The following SAG variants were observed in gnomAD, a reference collection of about 807,000 sequenced individuals.
SAG encodes the protein S-antigen visual arrestin.
In SAG, 45 loss-of-function variants were observed where a neutral mutation model predicts 55.0. That is an observed-to-expected ratio of 0.82 (90% CI 0.64 to 1.05). The LOEUF is 1.05. Ranked by LOEUF, SAG falls within the 50% of genes least tolerant of loss-of-function variation. The pLI is 0.00. For missense variants in SAG, 455 were observed against 512.1 expected, an observed-to-expected ratio of 0.89 and a Z score of 1.08; for synonymous variants, 189 against 197.4, an observed-to-expected ratio of 0.96 and a Z score of 0.36.
At chr2:233,344,167 T>TA (rs1389859290) in intron 14 of SAG, 1 of 152,246 alleles carries the variant, frequency 6.6e-6, no homozygotes, top group African/African-American at 2.4e-5. Context: ...GAGTAGACTT[T>TA]ATGCCTTAAT....
At chr2:233,317,806 T>G (rs1201006030) in intron 3 of SAG, among the ~76,000 whole-genome samples, 3 of 152,198 alleles carry the variant, frequency 2.0e-5, no homozygotes, top group Non-Finnish European at 4.4e-5. Flanking sequence ...TATGTGTGTG[T>G]GTGTATATAT....
intron 9 of SAG, among the ~76,000 whole-genome samples, chr2:233,330,814 G>C (rs1283794560): frequency 1.3e-5 from 2 of 152,128 alleles, no homozygotes; most frequent in Non-Finnish European, 2.9e-5. Flanking sequence ...TTACCGGTGT[G>C]AGCCACTGCA....
chr2:233,339,537 GTTTTTT>G (rs10711990), intron 12 of SAG, among the ~76,000 whole-genome samples: 1 of 129,332 alleles, frequency 7.7e-6, no homozygotes, highest in Admixed American at 7.8e-5. Context: ...TTAGCATAGT[GTTTTTT>G]TTTTTTTTTT....
rs1700359242 is a variant in SAG, at chr2:233,320,817, C to T, written c.369C>T (p.Leu123=). The change falls in exon 5 of 16, where the codon CTC becomes CTT. Residue 123 remains leucine (L), a synonymous_variant. Transcript: ENST00000409110. Reference sequence around the variant, plus strand: ...TGGGGAGCAACACGTACCCCTTTCTCCTGACGGTGGGTGACTCCTCCGGCC... The same window carrying T: ...TGGGGAGCAACACGTACCCCTTTCTTCTGACGGTGGGTGACTCCTCCGGCC... ...KKLGSNTYPF[L]LTFPDYLPCS... is the part of the protein sequence containing the mutation. 1 of 1,588,536 alleles carries T rather than the reference C, an allele frequency of 6.3e-7. No individual in the cohort carries two copies. The highest frequency in any genetic ancestry group is 1.1e-5 in the South Asian group (1 of 86,990).
intron 2 of SAG, 69 bp downstream of exon 2, chr2:233,309,333 C>T (rs1457551035): frequency 1.5e-6 from 2 of 1,362,370 alleles, no homozygotes; most frequent in African/African-American, 2.9e-5. Context: ...TTTTCAAGTA[C>T]AGTGTAGTCA....
chr2:233,335,575 GTTCA>G (rs3838576), intron 11 of SAG, among the ~76,000 whole-genome samples: 13 of 151,504 alleles, frequency 8.6e-5, no homozygotes, highest in Non-Finnish European at 1.6e-4. Context: ...TCTTGGCTGT[GTTCA>G]TTCATTCATT....
rs150046934 is a variant in SAG at position 233,322,990 on chromosome 2, A to G, written c.420A>G (p.Pro140=). The G allele has an allele frequency of 2.6e-4, 405 of 1,575,132 alleles. 3 individuals are homozygous for G. The African/African-American group carries it at 4.4e-3, about 17-fold the overall frequency. ...GTTCAGTGATGTTGCAGCCAGCTCC[A>G]CAAGATTCAGGGAAGGTTAGTTCAA... ...LPCSVMLQPA[P]QDSGKSCGVD... Residue 140 remains proline, a synonymous_variant, in exon 6 of 16, where the codon CCA becomes CCG. Transcript: ENST00000409110.
intron 10 of SAG, chr2:233,332,707 G>A (rs1700806562): frequency 6.8e-6 from 1 of 146,970 alleles, no homozygotes; most frequent in Non-Finnish European, 1.5e-5. Flanking sequence ...TGTTGCCCAA[G>A]CAGGAGTGCA....
At chr2:233,344,502 A>G (rs1242704149) in intron 14 of SAG, 1 of 152,092 alleles carries the variant, frequency 6.6e-6, no homozygotes, top group Non-Finnish European at 1.5e-5. Context: ...TTTTCCATAT[A>G]CAACTTTCAC....
chr2:233,308,367 G>A (rs577601793), intron 1 of SAG, among the ~76,000 whole-genome samples: 1 of 152,200 alleles, frequency 6.6e-6, no homozygotes, highest in African/African-American at 2.4e-5. Flanking sequence ...TACTCAGCTG[G>A]CTGAGGCAGG....
At chr2:233,325,229 G>T (rs1025572754) in intron 6 of SAG, among the ~76,000 whole-genome samples, 2 of 151,330 alleles carry the variant, frequency 1.3e-5, no homozygotes. Context: ...AAATTAGCTG[G>T]GCATGGTAGT....
chr2:233,309,068 C>G (rs1700007651), intron 1 of SAG, 94 bp from the exon 2 acceptor site: 1 of 696,122 alleles, frequency 1.4e-6, no homozygotes, highest in Non-Finnish European at 2.5e-6. Flanking sequence ...CACAGGATCT[C>G]GTGAGTAGGT....
intron 6 of SAG, among the ~76,000 whole-genome samples, chr2:233,324,659 G>A (rs1013586197): frequency 6.6e-6 from 1 of 152,138 alleles, no homozygotes; most frequent in African/African-American, 2.4e-5. Context: ...TCAGGTGGAC[G>A]GGGCTCCAGC....
Position 233,319,202 on chromosome 2 carries a change from C to T in SAG, c.181+407C>T, listed in dbSNP as rs929967830. Among the ~76,000 whole-genome samples, 1 of 151,984 alleles carries T rather than the reference C, an allele frequency of 6.6e-6. No homozygotes were observed. Among genetic ancestry groups the T allele is most frequent in the African/African-American group, 2.4e-5 (1 of 41,358 alleles). Reference sequence around the variant, plus strand: ...AGGGGCGAGTGAGTGGGCAGTGTTTCTTCTGAGTCAGTGGCGAGGGGCAGT... The same window carrying T: ...AGGGGCGAGTGAGTGGGCAGTGTTTTTTCTGAGTCAGTGGCGAGGGGCAGT... On this transcript the variant is annotated intron_variant, in intron 4 of 15. Coordinates refer to ENST00000409110, the MANE Select transcript of SAG (RefSeq NM_000541.5). The surrounding 1 kb of genome is among the most constrained non-coding windows in gnomAD (Gnocchi z 4.4).
At chr2:233,311,643 C>A (rs1425141342) in intron 2 of SAG, among the ~76,000 whole-genome samples, 2 of 152,114 alleles carry the variant, frequency 1.3e-5, no homozygotes, top group Non-Finnish European at 2.9e-5. Flanking sequence ...TCACATCACC[C>A]ACTTCTCTAC....
Position 233,319,873 on chromosome 2 carries a change from C to T in SAG, c.182-757C>T. ...CAGCGAAGGGCAGTTACCTTTGGGG[C>T]TTGCAGGCAAAATTCTCAACCAACA... is the stretch of plus-strand genomic sequence containing the variant. On this transcript the variant is annotated intron_variant, in intron 4 of 15. Coordinates refer to ENST00000409110, the MANE Select transcript of SAG (RefSeq NM_000541.5). The surrounding 1 kb of genome is among the most constrained non-coding windows in gnomAD (Gnocchi z 4.4). The T allele has an allele frequency of 1.0e-6, 1 of 985,752 alleles. No homozygotes were observed. Among genetic ancestry groups the T allele is most frequent in the Non-Finnish European group, 1.2e-6 (1 of 829,958 alleles). 61.1% of individuals were successfully genotyped at this position (985,752 alleles called of 1,614,324 possible).
intron 13 of SAG, among the ~76,000 whole-genome samples, chr2:233,341,527 G>C (rs1385701237): frequency 6.6e-6 from 1 of 152,218 alleles, no homozygotes; most frequent in East Asian, 1.9e-4. Flanking sequence ...TGGAGTACTA[G>C]TACATGCTAC....
chr2:233,313,913 T>C (rs1405392213), intron 2 of SAG, among the ~76,000 whole-genome samples: 1 of 151,290 alleles, frequency 6.6e-6, no homozygotes, highest in Non-Finnish European at 1.5e-5. Context: ...TGTAGGCAGG[T>C]GTGAAAGAAA....
At chr2:233,338,498 G>A in intron 11 of SAG, 178 bp from the exon 12 acceptor site, 2 of 618,186 alleles carry the variant, frequency 3.2e-6, no homozygotes, top group Non-Finnish European at 5.9e-6. Flanking sequence ...TGCGTGCAAG[G>A]AGTCCCCATA....
Sources: gnomAD v4.1 joint callset for allele counts (sites outside exome capture counted in the v4.1 genomes callset) on GRCh38, gnomAD v4.1.1 for gene constraint, Gnocchi (gnomAD v3.1) non-coding constraint, MANE v1.5 for transcripts, NCBI Gene and HGNC (gene_info 2026-07-23, HGNC 2026-07-21) for gene names.